Variants in ABCA12 observed in about 807,000 individuals in gnomAD.
ABCA12 encodes glucosylceramide transporter ABCA12.
In ABCA12, 156 loss-of-function variants were observed where a neutral mutation model predicts 293.5. The observed-to-expected ratio is 0.53, with a 90% CI of 0.47 to 0.61. The LOEUF (loss-of-function observed/expected upper bound fraction) is 0.61. ABCA12 is among the 20% of genes least tolerant of loss of function. The pLI, the probability that ABCA12 is intolerant of heterozygous loss-of-function variation, is 0.00. For synonymous variants in ABCA12, 1,063 were observed against 1,108.0 expected, an observed-to-expected ratio of 0.96 and a Z score of 0.81; for missense variants, 2,797 against 3,090.2, an observed-to-expected ratio of 0.91 and a Z score of 2.25.
In ABCA12 at chr2:214,948,756, A is replaced by C; in HGVS notation, c.6963-19T>G. On this transcript the variant is annotated intron_variant, in intron 46 of 52. Transcript: ENST00000272895. ...CAGAGATCTGAATTGAGAGAATCAA[A>C]AACACAGATGAATTTCAAAAGATTT... 1 of 1,613,966 alleles carries C rather than the reference A, an allele frequency of 6.2e-7. No homozygotes were observed. The highest frequency in any genetic ancestry group is 8.5e-7 in the Non-Finnish European group (1 of 1,179,922).
At chr2:215,136,305 A>G (rs2105924320) in intron 1 of ABCA12, among the ~76,000 whole-genome samples, 1 of 152,328 alleles carries the variant, frequency 6.6e-6, no homozygotes, top group East Asian at 1.9e-4. Context: ...ATATTTCACC[A>G]TGTCCACAAA....
intron 23 of ABCA12, among the ~76,000 whole-genome samples, chr2:214,995,766 CAAGA>C (rs1700019113): frequency 6.6e-6 from 1 of 151,918 alleles, no homozygotes; most frequent in Non-Finnish European, 1.5e-5. Flanking sequence ...TACATGCCAC[CAAGA>C]AAGAAAGATT....
At position 214,951,140 on chromosome 2, in the gene ABCA12, T is replaced by C. The variant is rs1047583584; in HGVS notation, c.6648-57A>G. On this transcript the variant is annotated intron_variant, in intron 44 of 52. Transcript: ENST00000272895. ...GATTTTGAAATGACAGCATTCAATT[T>C]TGACATGTTTTGATGGGTTTTCATG... is the stretch of plus-strand genomic sequence containing the variant. The C allele has an allele frequency of 6.7e-5, 99 of 1,485,270 alleles. 1 individual carries two copies. The African/African-American group carries it at 1.3e-3, about 19-fold the overall frequency. The allele number at this position is 1,485,270 out of a possible 1,614,324, so 92.0% of individuals were successfully genotyped here.
chr2:215,011,727 T>C, intron 16 of ABCA12, 78 bp from the exon 17 acceptor site: 1 of 1,337,172 alleles, frequency 7.5e-7, no homozygotes, highest in Non-Finnish European at 1.1e-6. Flanking sequence ...AAAGAGAACC[T>C]GATAATACTT....
In ABCA12 at chr2:215,019,320, G is replaced by A; in HGVS notation, c.1657+16C>T. ...ATTCTAATAAGACAAGATTTAAAAT[G>A]TGGATGGGGAAACACCTGGCTTTTC... On this transcript the variant is annotated intron_variant, in intron 13 of 52. Transcript: ENST00000272895. The A allele has an allele frequency of 6.3e-7, 1 of 1,589,452 alleles. No individual in the cohort carries two copies. Among genetic ancestry groups the A allele is most frequent in the South Asian group, 1.1e-5 (1 of 90,490 alleles).
At chr2:214,994,822 C>T (rs934330471) in intron 23 of ABCA12, among the ~76,000 whole-genome samples, 12 of 152,192 alleles carry the variant, frequency 7.9e-5, no homozygotes, top group African/African-American at 2.4e-4. Flanking sequence ...AACACCTCTG[C>T]GGCCCACATA....
chr2:215,092,410 T>C (rs903135877), intron 2 of ABCA12, among the ~76,000 whole-genome samples: 1 of 152,098 alleles, frequency 6.6e-6, no homozygotes, highest in East Asian at 1.9e-4. Flanking sequence ...CACATCTAAT[T>C]GCCACCCTTC....
chr2:215,042,609 T>G (rs1462923517), intron 7 of ABCA12, among the ~76,000 whole-genome samples: 1 of 152,166 alleles, frequency 6.6e-6, no homozygotes, highest in Non-Finnish European at 1.5e-5. Flanking sequence ...GAGTACAGTG[T>G]GATAATTTGG....
In ABCA12 at chr2:214,936,309, G is replaced by A. The variant is rs531298425; in HGVS notation, c.7542+1201C>T. 5.3e-5 allele frequency among the ~76,000 whole-genome samples: 8 copies of A among 152,246 alleles called. No homozygotes were observed. The East Asian group carries it at 1.5e-3, about 29-fold the overall frequency. On this transcript the variant is annotated intron_variant, in intron 51 of 52. Coordinates refer to ENST00000272895, the MANE Select transcript of ABCA12 (RefSeq NM_173076.3). ...TATACCAGATTTGGTACTATCTATA[G>A]TTTCAGGCATCCACTGGAGGTCTTG...
rs1699324154 is a variant in ABCA12, at chr2:214,968,811, CAG to C, written c.5691-6_5691-5del. The C allele has an allele frequency of 6.2e-7, 1 of 1,611,704 alleles. No individual in the cohort carries two copies. Among genetic ancestry groups the C allele is most frequent in the Non-Finnish European group, 8.5e-7 (1 of 1,178,136 alleles). On this transcript the variant is annotated splice_polypyrimidine_tract_variant and splice_region_variant and intron_variant, in intron 37 of 52. Coordinates refer to ENST00000272895, the MANE Select transcript of ABCA12 (RefSeq NM_173076.3). ...CCCAAAACTCCAACCTCCATATCTACAGAGAGTAATAAAAATATATCTTTGGT... is the reference window on the plus strand; with the variant it reads ...CCCAAAACTCCAACCTCCATATCTACAGAGTAATAAAAATATATCTTTGGT...
At chr2:215,018,235 C>G in intron 13 of ABCA12, 103 bp from the exon 14 acceptor site, 2 of 1,437,608 alleles carry the variant, frequency 1.4e-6, no homozygotes, top group Non-Finnish European at 1.9e-6. Flanking sequence ...GACATACGTG[C>G]CTTCTCAGGG....
At chr2:215,134,561 T>TAC (rs1703158460) in intron 1 of ABCA12, among the ~76,000 whole-genome samples, 1 of 140,080 alleles carries the variant, frequency 7.1e-6, no homozygotes, top group African/African-American at 2.7e-5. Flanking sequence ...TATGTATATA[T>TAC]GTGTGTATAT....
chr2:214,947,260 C>A (rs1698612117), intron 48 of ABCA12, among the ~76,000 whole-genome samples, 162 bp downstream of exon 48: 1 of 152,142 alleles, frequency 6.6e-6, no homozygotes, highest in Non-Finnish European at 1.5e-5. Flanking sequence ...GATATAAAAT[C>A]CTTTATTGAG....
chr2:215,026,389 C>T (rs1333703487), intron 10 of ABCA12, among the ~76,000 whole-genome samples: 1 of 152,112 alleles, frequency 6.6e-6, no homozygotes, highest in Non-Finnish European at 1.5e-5. Flanking sequence ...AAGTAGTCTG[C>T]CACAAAAATG....
At position 214,958,402 on chromosome 2, in the gene ABCA12, A is replaced by T; in HGVS notation, c.5992T>A (p.Ser1998Thr). Residue 1998 changes from serine (S) to threonine (T), a missense_variant, in exon 41 of 53, where the codon TCT becomes ACT. Coordinates refer to ENST00000272895, the MANE Select transcript of ABCA12 (RefSeq NM_173076.3). ...GTGACAAAGCTGGCGGTGGTGACAG[A>T]GTAGCCCATCAAGATAGACAGTGCC... ...LVALSILMGY[S>T]VTTASFVTYV... 1 of 1,614,040 alleles carries T rather than the reference A, an allele frequency of 6.2e-7. No homozygotes were observed. The highest frequency in any genetic ancestry group is 8.5e-7 in the Non-Finnish European group (1 of 1,179,914).
chr2:214,964,674 A>G (rs1216567563), intron 39 of ABCA12, among the ~76,000 whole-genome samples: 17 of 152,196 alleles, frequency 1.1e-4, no homozygotes, highest in Non-Finnish European at 2.9e-5. Flanking sequence ...CTAACAAAGG[A>G]AGTGAAGGAC....
At chr2:215,111,963 C>A (rs1279609202) in intron 1 of ABCA12, among the ~76,000 whole-genome samples, 1 of 152,134 alleles carries the variant, frequency 6.6e-6, no homozygotes, top group African/African-American at 2.4e-5. Flanking sequence ...CCCCAATCAT[C>A]ATTATATTAA....
At chr2:214,996,789 CA>C (rs1428674372) in intron 23 of ABCA12, among the ~76,000 whole-genome samples, 3 of 152,144 alleles carry the variant, frequency 2.0e-5, no homozygotes, top group African/African-American at 4.8e-5. Context: ...GAGAAATGAT[CA>C]ATTGTCTAAA....
At chr2:215,016,015 G>T (rs1387778649) in intron 14 of ABCA12, among the ~76,000 whole-genome samples, 1 of 151,654 alleles carries the variant, frequency 6.6e-6, no homozygotes, top group Non-Finnish European at 1.5e-5. Flanking sequence ...GTGGTGGCGG[G>T]CGCCTGTAAT....
Sources: gnomAD v4.1 joint callset for allele counts (sites outside exome capture counted in the v4.1 genomes callset) on GRCh38, gnomAD v4.1.1 for gene constraint, MANE v1.5 for transcripts, NCBI Gene and HGNC (gene_info 2026-07-23, HGNC 2026-07-21) for gene names.